VKORC1L1: variants seen among roughly 807,000 people sequenced by gnomAD.
The protein encoded by VKORC1L1 is vitamin K epoxide reductase complex subunit 1-like protein 1.
Under a neutral mutation model 18.9 loss-of-function variants are expected in VKORC1L1, and 2 were observed. The observed-to-expected ratio is 0.11, with a 90% CI of 0.04 to 0.33. The LOEUF (loss-of-function observed/expected upper bound fraction) is 0.33. VKORC1L1 is among the 10% of genes least tolerant of loss of function. VKORC1L1 has a pLI of 1.00. For missense variants in VKORC1L1, 123 were observed against 224.1 expected (o/e 0.55, Z 2.88); for synonymous variants, 96 against 100.0 (o/e 0.96, Z 0.24).
At position 65,873,510 on chromosome 7, in the gene VKORC1L1, C is replaced by G; in HGVS notation, c.139C>G (p.Arg47Gly). 1.3e-6 allele frequency: 2 copies of G among 1,592,492 alleles called. No homozygotes were observed. Among genetic ancestry groups the G allele is most frequent in the Non-Finnish European group, 8.5e-7 (1 of 1,171,556 alleles). The stretch of plus-strand genomic sequence containing the variant: ...GGAGAAGGAGCGGGACCCCGAGCAC[C>G]GGGCCCTCTGCGACCTGGGGCCCTG... ...EREKERDPEH[R>G]ALCDLGPWVK... is the part of the protein sequence containing the mutation. Residue 47 changes from arginine to glycine, a missense_variant, in exon 1 of 3, where the codon CGG (arginine) becomes GGG (glycine). Arg to Gly is a moderately radical substitution (Grantham distance 125). Transcript: ENST00000360768.
chr7:65,873,188 C>A lies in VKORC1L1; in HGVS notation c.-184C>A. The A allele has an allele frequency of 1.3e-6, 1 of 772,094 alleles. No homozygotes were observed. Among genetic ancestry groups the A allele is most frequent in the Non-Finnish European group, 1.6e-6 (1 of 636,290 alleles). 47.8% of individuals were successfully genotyped at this position (772,094 alleles called of 1,614,324 possible). On this transcript the variant is annotated 5_prime_UTR_variant, in exon 1 of 3. Coordinates refer to ENST00000360768, the MANE Select transcript of VKORC1L1 (RefSeq NM_173517.6). ...CTCACTCCTTTTGGGGCGGTTGGGCCGCGCGCCTGTGGGGGCGGGGCCCGG... is the reference window on the plus strand; with the variant it reads ...CTCACTCCTTTTGGGGCGGTTGGGCAGCGCGCCTGTGGGGGCGGGGCCCGG...
intron 2 of VKORC1L1, among the ~76,000 whole-genome samples, chr7:65,949,986 T>A (rs542887061): frequency 1.8e-4 from 27 of 152,216 alleles, no homozygotes; most frequent in Admixed American, 9.2e-4. Context: ...AACACAGATA[T>A]TTTCAATTTT....
chr7:65,892,470 C>G (rs561075989), intron 1 of VKORC1L1, among the ~76,000 whole-genome samples: 1 of 152,292 alleles, frequency 6.6e-6, no homozygotes, highest in East Asian at 1.9e-4. Context: ...GAGACGATAT[C>G]TCATTGTAGT....
rs56234924 is a variant in VKORC1L1, at chr7:65,886,839, GTTTTTTTTT to G, written c.194+13292_194+13300del. ...GGCGTGAGCCACTGCGCCTGTCCGA[GTTTTTTTTT>G]TTTTTTTTTTTTTTTTTCTGAGACA... is the stretch of plus-strand genomic sequence containing the variant. On this transcript the variant is annotated intron_variant, in intron 1 of 2. Coordinates refer to ENST00000360768, the MANE Select transcript of VKORC1L1 (RefSeq NM_173517.6). Among the ~76,000 whole-genome samples, 5 of 58,626 alleles carry G rather than the reference GTTTTTTTTT, an allele frequency of 8.5e-5. No individual in the cohort carries two copies. In the East Asian group the frequency reaches 2.1e-3, roughly 24 times the overall value. 38.5% of individuals were successfully genotyped at this position (58,626 alleles called of 152,430 possible).
intron 1 of VKORC1L1, among the ~76,000 whole-genome samples, chr7:65,935,028 TG>T (rs375490611): frequency 6.9e-4 from 98 of 142,222 alleles, no homozygotes; most frequent in African/African-American, 2.5e-3. Context: ...CACTCCAGCC[TG>T]GGTGACAGTG....
chr7:65,927,580 ACACCCAGCACAGT>A lies in VKORC1L1; in HGVS notation c.195-21087_195-21075del, dbSNP rs907879324. The stretch of plus-strand genomic sequence containing the variant: ...AAGATAAGGTGTCTGGTGGACAGGC[ACACCCAGCACAGT>A]CACAACAAGCCATTTATCCCCTCGT... On this transcript the variant is annotated intron_variant, in intron 1 of 2. Transcript: ENST00000360768. Among the ~76,000 whole-genome samples the A allele has an allele frequency of 7.5e-3, 1,137 of 151,984 alleles. 16 individuals carry two copies. Among genetic ancestry groups the A allele is most frequent in the African/African-American group, 0.026 (1,069 of 41,244 alleles).
At chr7:65,897,274 A>G (rs1251102656) in intron 1 of VKORC1L1, among the ~76,000 whole-genome samples, 7 of 152,216 alleles carry the variant, frequency 4.6e-5, no homozygotes, top group Admixed American at 3.9e-4. Context: ...AGTTAAGCAA[A>G]TTGAAACTAT....
chr7:65,931,279 C>G (rs993482471), intron 1 of VKORC1L1, among the ~76,000 whole-genome samples: 1 of 151,860 alleles, frequency 6.6e-6, no homozygotes, highest in Non-Finnish European at 1.5e-5. Flanking sequence ...GTTCCCTCCT[C>G]TTCTGTTTTC....
intron 1 of VKORC1L1, among the ~76,000 whole-genome samples, chr7:65,895,510 TATATATACACACACAC>T (rs1407483770): frequency 8.6e-4 from 76 of 88,416 alleles, no homozygotes; most frequent in African/African-American, 3.1e-3. Flanking sequence ...TATATATATA[TATATATACACACACAC>T]ACACACACAC....
intron 1 of VKORC1L1, among the ~76,000 whole-genome samples, chr7:65,931,734 C>G (rs747159614): frequency 1.3e-5 from 2 of 152,096 alleles, no homozygotes. Flanking sequence ...CTCTGCCTCC[C>G]AGGTTCAAGG....
chr7:65,910,122 C>T (rs1210632190), intron 1 of VKORC1L1, among the ~76,000 whole-genome samples: 1 of 152,138 alleles, frequency 6.6e-6, no homozygotes, highest in African/African-American at 2.4e-5. Flanking sequence ...AACAAGTTCA[C>T]ATCTTTTAAA....
At chr7:65,951,131 T>C (rs1232938905) in intron 2 of VKORC1L1, among the ~76,000 whole-genome samples, 1 of 152,234 alleles carries the variant, frequency 6.6e-6, no homozygotes, top group African/African-American at 2.4e-5. Flanking sequence ...ATGCTTCACG[T>C]GCCTTTTAAT....
chr7:65,948,362 C>T (rs563954568), intron 1 of VKORC1L1, among the ~76,000 whole-genome samples: 1 of 146,186 alleles, frequency 6.8e-6, no homozygotes, highest in East Asian at 2.0e-4. Context: ...TCTGCAAATA[C>T]TAATGCCATT....
intron 1 of VKORC1L1, among the ~76,000 whole-genome samples, chr7:65,906,914 CCTTGAA>C (rs1234528028): frequency 6.6e-6 from 1 of 152,070 alleles, no homozygotes. Flanking sequence ...AGGTTGGGGA[CCTTGAA>C]CTTGTACTGG....
At chr7:65,870,498 G>T (rs1337367572), upstream of VKORC1L1, among the ~76,000 whole-genome samples, 1 of 152,122 alleles carries the variant, frequency 6.6e-6, no homozygotes, top group Admixed American at 6.6e-5. Context: ...ATAGAATGTT[G>T]TTAGCAATTT....
intron 1 of VKORC1L1, among the ~76,000 whole-genome samples, chr7:65,897,326 A>G (rs1789231145): frequency 6.6e-6 from 1 of 152,232 alleles, no homozygotes. Flanking sequence ...ATGATTAAGA[A>G]GTTTGATTAG....
chr7:65,890,083 A>G lies in VKORC1L1; in HGVS notation c.194+16518A>G, dbSNP rs561423912. 7.0e-4 allele frequency among the ~76,000 whole-genome samples: 106 copies of G among 151,218 alleles called. 1 individual carries two copies. Among genetic ancestry groups the G allele is most frequent in the African/African-American group, 2.5e-3 (103 of 41,174 alleles). The stretch of plus-strand genomic sequence containing the variant: ...AGCAATTCTCCTGCCTCAGCCTGCC[A>G]AGTAGCTGGGACTACAGGTGCACAC... On this transcript the variant is annotated intron_variant, in intron 1 of 2. Coordinates refer to ENST00000360768, the MANE Select transcript of VKORC1L1 (RefSeq NM_173517.6).
At chr7:65,927,563 G>A (rs1272042373) in intron 1 of VKORC1L1, among the ~76,000 whole-genome samples, 1 of 152,130 alleles carries the variant, frequency 6.6e-6, no homozygotes, top group African/African-American at 2.4e-5. Context: ...GCAAGATAAG[G>A]TGTCTGGTGG....
At chr7:65,929,970 A>G (rs1360752327) in intron 1 of VKORC1L1, among the ~76,000 whole-genome samples, 3 of 151,968 alleles carry the variant, frequency 2.0e-5, no homozygotes, top group Non-Finnish European at 4.4e-5. Context: ...TCAGTTTTAT[A>G]ATTTTCAGCT....
Sources: allele counts gnomAD v4.1 joint callset (sites outside exome capture counted in the v4.1 genomes callset), GRCh38; gene constraint gnomAD v4.1.1; transcripts MANE v1.5; gene names NCBI Gene and HGNC (gene_info 2026-07-23, HGNC 2026-07-21).